The following PDE10A variants were observed in gnomAD, a reference collection of about 807,000 sequenced individuals.
PDE10A encodes the protein cAMP and cAMP-inhibited cGMP 3',5'-cyclic phosphodiesterase 10A.
Under a neutral mutation model 97.7 loss-of-function variants are expected in PDE10A, and 39 were observed. The observed-to-expected ratio is 0.40, with a 90% CI of 0.31 to 0.52. PDE10A has a LOEUF of 0.52. Ranked by LOEUF, PDE10A falls within the 20% of genes least tolerant of loss-of-function variation. PDE10A has a pLI of 0.56. For synonymous variants in PDE10A, 371 were observed against 376.8 expected, an observed-to-expected ratio of 0.98 and a Z score of 0.18; for missense variants, 731 against 1,047.8, an observed-to-expected ratio of 0.70 and a Z score of 4.17.
intron 1 of PDE10A, among the ~76,000 whole-genome samples, chr6:165,885,706 A>C (rs903454490): frequency 5.9e-5 from 9 of 152,258 alleles, no homozygotes; most frequent in African/African-American, 2.2e-4. Context: ...GGGCAGATCC[A>C]GTGCGTCCTT....
At chr6:165,771,393 T>G (rs1472266) in intron 1 of PDE10A, among the ~76,000 whole-genome samples, 71,451 of 151,542 alleles carry the variant, frequency 0.47, 18,288 homozygotes, top group African/African-American at 0.68. Flanking sequence ...CCTGCTCACA[T>G]GAGCCCTACA....
intron 1 of PDE10A, among the ~76,000 whole-genome samples, chr6:165,563,990 C>A (rs1017846754): frequency 6.6e-6 from 1 of 152,078 alleles, no homozygotes; most frequent in Non-Finnish European, 1.5e-5. Context: ...TCACCCCCTC[C>A]ACCCTCTCCC....
chr6:165,368,290 C>G (rs1444563959), intron 18 of PDE10A, among the ~76,000 whole-genome samples: 1 of 152,166 alleles, frequency 6.6e-6, no homozygotes, highest in Non-Finnish European at 1.5e-5. Flanking sequence ...GTCACCACAC[C>G]CAGCCCATAT....
At chr6:165,738,976 A>G (rs1183617692) in intron 1 of PDE10A, among the ~76,000 whole-genome samples, 1 of 152,248 alleles carries the variant, frequency 6.6e-6, no homozygotes, top group Non-Finnish European at 1.5e-5. Context: ...CAGAACATTG[A>G]TAAAAGAAAT....
intron 2 of PDE10A, among the ~76,000 whole-genome samples, chr6:165,528,876 T>C (rs1356164079): frequency 6.6e-6 from 1 of 152,152 alleles, no homozygotes; most frequent in African/African-American, 2.4e-5. Context: ...GGGGCAAAGT[T>C]CTCCAGAAGG....
At chr6:165,483,789 G>A (rs373715444) in intron 2 of PDE10A, among the ~76,000 whole-genome samples, 6 of 152,208 alleles carry the variant, frequency 3.9e-5, no homozygotes, top group African/African-American at 1.2e-4. Flanking sequence ...CACCACTACA[G>A]ATCTGAAAAT....
intron 1 of PDE10A, among the ~76,000 whole-genome samples, chr6:165,708,188 G>A (rs1343142781): frequency 6.6e-6 from 1 of 152,126 alleles, no homozygotes; most frequent in African/African-American, 2.4e-5. Flanking sequence ...ACACTGCAGA[G>A]CCCCGGTCAG....
At chr6:165,710,933 G>T (rs1231015504) in intron 1 of PDE10A, among the ~76,000 whole-genome samples, 3 of 152,196 alleles carry the variant, frequency 2.0e-5, no homozygotes, top group African/African-American at 7.2e-5. Flanking sequence ...TGCCCATGAG[G>T]TCCCGGCTAA....
intron 1 of PDE10A, among the ~76,000 whole-genome samples, chr6:165,897,350 A>T (rs893118811): frequency 6.6e-6 from 1 of 152,108 alleles, no homozygotes; most frequent in African/African-American, 2.4e-5. Context: ...GAGGGATGCC[A>T]TACAGGGAAA....
At chr6:165,979,425 C>A (rs1784944755) in intron 1 of PDE10A, among the ~76,000 whole-genome samples, 1 of 152,180 alleles carries the variant, frequency 6.6e-6, no homozygotes, top group South Asian at 2.1e-4. Flanking sequence ...GCTGCTGTGG[C>A]ATGTTTAATC....
chr6:165,409,769 G>A (rs1407784512), intron 13 of PDE10A: 3 of 151,688 alleles, frequency 2.0e-5, no homozygotes, highest in Non-Finnish European at 4.4e-5. Context: ...GAAGTGTTTA[G>A]AAAAATTATA....
chr6:165,468,367 C>T (rs1313072634), intron 3 of PDE10A, among the ~76,000 whole-genome samples: 7 of 151,912 alleles, frequency 4.6e-5, no homozygotes, highest in African/African-American at 7.3e-5. Context: ...GGATTACAGG[C>T]GTGAGCCACT....
At chr6:165,601,469 T>C (rs933587470) in intron 1 of PDE10A, among the ~76,000 whole-genome samples, 15 of 152,214 alleles carry the variant, frequency 9.9e-5, no homozygotes, top group Admixed American at 2.6e-4. Context: ...CTTAGCAGCA[T>C]TGTAATATGA....
intron 1 of PDE10A, chr6:165,781,052 G>A (rs1778328380): frequency 6.6e-6 from 1 of 152,236 alleles, no homozygotes; most frequent in Non-Finnish European, 1.5e-5. Context: ...TGGTAGTGAG[G>A]TCTCACTCTG....
chr6:165,843,607 C>T (rs1446415479), intron 1 of PDE10A, among the ~76,000 whole-genome samples: 1 of 152,160 alleles, frequency 6.6e-6, no homozygotes, highest in South Asian at 2.1e-4. Flanking sequence ...TCCACGGACA[C>T]CCACCCCATC....
At chr6:165,481,108 A>G (rs1779581933) in intron 3 of PDE10A, among the ~76,000 whole-genome samples, 2 of 152,246 alleles carry the variant, frequency 1.3e-5, no homozygotes, top group Admixed American at 1.3e-4. Flanking sequence ...AGCTTTGCCA[A>G]TATCAACACT....
chr6:165,930,647 C>A (rs1190190193), intron 1 of PDE10A, among the ~76,000 whole-genome samples: 1 of 152,184 alleles, frequency 6.6e-6, no homozygotes, highest in Non-Finnish European at 1.5e-5. Flanking sequence ...GCCCAAAGGC[C>A]GCTGATGAAA....
chr6:165,497,561 T>G (rs1434340958), intron 2 of PDE10A, among the ~76,000 whole-genome samples: 1 of 152,224 alleles, frequency 6.6e-6, no homozygotes, highest in Non-Finnish European at 1.5e-5. Context: ...AAAGCAAAGT[T>G]CAAGAAAGTC....
intron 1 of PDE10A, among the ~76,000 whole-genome samples, chr6:165,924,691 C>T (rs1290232387): frequency 6.6e-6 from 1 of 152,182 alleles, no homozygotes; most frequent in Non-Finnish European, 1.5e-5. Flanking sequence ...TCCCCTGAAA[C>T]AAAAATCCTA....
Sources: allele counts gnomAD v4.1 joint callset (sites outside exome capture counted in the v4.1 genomes callset), GRCh38; gene constraint gnomAD v4.1.1; transcripts MANE v1.5; gene names NCBI Gene and HGNC (gene_info 2026-07-23, HGNC 2026-07-21).